Variants in OSBPL10 observed in about 807,000 individuals in gnomAD.
OSBPL10 encodes the protein oxysterol binding protein like 10.
OSBPL10 carries 49 observed loss-of-function variants against 81.7 expected under a neutral mutation model. That is an observed-to-expected ratio of 0.60 (90% CI 0.48 to 0.76). The LOEUF is 0.76. Among genes scored for constraint, OSBPL10 ranks in the 30% least tolerant of loss-of-function variants. The pLI is 0.00. For missense variants in OSBPL10, 923 were observed against 987.8 expected (o/e 0.93, Z 0.88); for synonymous variants, 419 against 383.6 (o/e 1.09, Z -1.08).
At chr3:31,766,851 T>G (rs1274438287) in intron 4 of OSBPL10, among the ~76,000 whole-genome samples, 1 of 152,196 alleles carries the variant, frequency 6.6e-6, no homozygotes, top group East Asian at 1.9e-4. Flanking sequence ...GGCCTGAAAG[T>G]GTACTAACTT....
At position 31,747,956 on chromosome 3, in the gene OSBPL10, C is replaced by A; in HGVS notation, c.894G>T (p.Gln298His). Residue 298 changes from glutamine to histidine, a missense_variant, in exon 5 of 12, where the codon CAG becomes CAT. By Grantham distance (24) the Gln-to-His change is conservative (BLOSUM62 0). Coordinates refer to ENST00000396556, the MANE Select transcript of OSBPL10 (RefSeq NM_017784.5). Reference protein sequence around the residue: ...CLGECLNLLQQSVHQAGQPSQ... With the variant: ...CLGECLNLLQHSVHQAGQPSQ... ...TGGGCTGGCCCGCCTGGTGCACACT[C>A]TGCTGTAACAAGTTGAGGCACTCCC... The A allele has an allele frequency of 6.2e-7, 1 of 1,614,084 alleles. No individual in the cohort carries two copies. The highest frequency in any genetic ancestry group is 1.1e-5 in the South Asian group (1 of 91,080).
intron 1 of OSBPL10, among the ~76,000 whole-genome samples, chr3:31,968,272 G>A (rs1009576410): frequency 5.3e-5 from 8 of 151,654 alleles, no homozygotes; most frequent in Admixed American, 1.3e-4. Context: ...AAAAAAAATC[G>A]GATCACAAGT....
intron 6 of OSBPL10, among the ~76,000 whole-genome samples, chr3:31,728,016 A>T (rs1258600926): frequency 6.6e-6 from 1 of 152,226 alleles, no homozygotes; most frequent in African/African-American, 2.4e-5. Flanking sequence ...TAAATCTTTT[A>T]TATCAGTCTC....
intron 4 of OSBPL10, among the ~76,000 whole-genome samples, chr3:31,820,643 T>C (rs1699961057): frequency 6.6e-6 from 1 of 151,680 alleles, no homozygotes; most frequent in South Asian, 2.1e-4. Context: ...GCTAAAAATA[T>C]AGATAGGTAT....
intron 6 of OSBPL10, among the ~76,000 whole-genome samples, chr3:31,715,967 C>T (rs77502636): frequency 0.025 from 3,774 of 152,262 alleles, 159 homozygotes; most frequent in African/African-American, 0.086. Context: ...ACAAATTATG[C>T]AGTTACGGGC....
intron 5 of OSBPL10, among the ~76,000 whole-genome samples, chr3:31,739,238 A>G (rs1259122718): frequency 6.6e-6 from 1 of 152,190 alleles, no homozygotes; most frequent in African/African-American, 2.4e-5. Context: ...GAGGTAAATT[A>G]TATTTTAACA....
intron 4 of OSBPL10, among the ~76,000 whole-genome samples, chr3:31,821,470 A>G (rs1699981620): frequency 6.6e-6 from 1 of 152,172 alleles, no homozygotes; most frequent in African/African-American, 2.4e-5. Context: ...TGCTCTCATA[A>G]AACACCAACT....
intron 1 of OSBPL10, among the ~76,000 whole-genome samples, chr3:31,978,875 A>G (rs1473828608): frequency 6.6e-6 from 1 of 152,160 alleles, no homozygotes; most frequent in African/African-American, 2.4e-5. Context: ...CAATCTAAAC[A>G]CCACAATGGG....
chr3:31,797,398 C>T (rs1448171555), intron 4 of OSBPL10, among the ~76,000 whole-genome samples: 1 of 152,176 alleles, frequency 6.6e-6, no homozygotes, highest in Non-Finnish European at 1.5e-5. Flanking sequence ...ATTCTTGGCT[C>T]TTAGATGGAA....
chr3:31,764,613 G>A (rs1171396033), intron 4 of OSBPL10, among the ~76,000 whole-genome samples: 7 of 152,208 alleles, frequency 4.6e-5, no homozygotes, highest in Non-Finnish European at 8.8e-5. Context: ...ATTGCCCCTA[G>A]TTTGTTGTTA....
intron 4 of OSBPL10, among the ~76,000 whole-genome samples, chr3:31,793,581 A>T (rs1343717033): frequency 6.6e-6 from 1 of 152,190 alleles, no homozygotes; most frequent in Non-Finnish European, 1.5e-5. Flanking sequence ...ACCTTCTTGA[A>T]ACAAGATGAG....
At chr3:31,815,966 T>C (rs887867406) in intron 4 of OSBPL10, among the ~76,000 whole-genome samples, 1 of 152,130 alleles carries the variant, frequency 6.6e-6, no homozygotes, top group Non-Finnish European at 1.5e-5. Flanking sequence ...TGATAAAAAA[T>C]AACTTGCCAC....
At position 31,864,410 on chromosome 3, in the gene OSBPL10, T is replaced by C. The variant is rs536948238; in HGVS notation, c.537+12023A>G. On this transcript the variant is annotated intron_variant, in intron 3 of 11. Coordinates refer to ENST00000396556, the MANE Select transcript of OSBPL10 (RefSeq NM_017784.5). Reference sequence around the variant, plus strand: ...ACACACGCCACCACACCCAGCACATTTTTGTATTTTTGGTAGACAGGGTTT... The same window carrying C: ...ACACACGCCACCACACCCAGCACATCTTTGTATTTTTGGTAGACAGGGTTT... 2.0e-5 allele frequency among the ~76,000 whole-genome samples: 3 copies of C among 151,928 alleles called. No homozygotes were observed. In the South Asian group the frequency reaches 6.2e-4, roughly 32 times the overall value.
chr3:31,984,438 G>T (rs760757783), upstream of OSBPL10, among the ~76,000 whole-genome samples: 4 of 151,866 alleles, frequency 2.6e-5, no homozygotes, highest in Non-Finnish European at 5.9e-5. Flanking sequence ...ATAGAGAGTC[G>T]AAGTTTGTCT....
intron 6 of OSBPL10, among the ~76,000 whole-genome samples, chr3:31,729,971 G>A (rs764720351): frequency 3.3e-5 from 5 of 152,156 alleles, no homozygotes; most frequent in African/African-American, 9.7e-5. Flanking sequence ...TCCCAGTAAC[G>A]TGTTCAGAAC....
At chr3:31,816,896 G>A (rs1336682336) in intron 4 of OSBPL10, among the ~76,000 whole-genome samples, 1 of 152,078 alleles carries the variant, frequency 6.6e-6, no homozygotes, top group Non-Finnish European at 1.5e-5. Flanking sequence ...TCTCAGCAGA[G>A]AGAATAGCTC....
At chr3:31,923,172 G>A (rs1696967113) in intron 1 of OSBPL10, among the ~76,000 whole-genome samples, 2 of 152,172 alleles carry the variant, frequency 1.3e-5, no homozygotes, top group African/African-American at 4.8e-5. Context: ...CTGAAGGCAA[G>A]TAGCCAAATC....
chr3:31,944,907 T>C (rs1328734509), intron 1 of OSBPL10, among the ~76,000 whole-genome samples: 4 of 136,024 alleles, frequency 2.9e-5, no homozygotes, highest in Non-Finnish European at 6.2e-5. Flanking sequence ...AATCCCAACA[T>C]TTTGGGAGGC....
chr3:31,696,430 T>G (rs1695722829), intron 7 of OSBPL10, among the ~76,000 whole-genome samples: 1 of 152,264 alleles, frequency 6.6e-6, no homozygotes, highest in Non-Finnish European at 1.5e-5. Context: ...CTCCCCGTCT[T>G]TATACCACAT....
Sources: gnomAD v4.1 joint callset for allele counts (sites outside exome capture counted in the v4.1 genomes callset) on GRCh38, gnomAD v4.1.1 for gene constraint, MANE v1.5 for transcripts, NCBI Gene and HGNC (gene_info 2026-07-23, HGNC 2026-07-21) for gene names.